SLC39A11: variants seen among roughly 807,000 people sequenced by gnomAD.
SLC39A11 encodes solute carrier family 39 member 11.
SLC39A11 carries 33 observed loss-of-function variants against 36.1 expected under a neutral mutation model. That is an observed-to-expected ratio of 0.91 (90% CI 0.69 to 1.22). The LOEUF is 1.22. Ranked by LOEUF, SLC39A11 falls within the 50% of genes most tolerant of loss-of-function variation. The pLI, the probability that SLC39A11 is intolerant of heterozygous loss-of-function variation, is 0.00. For missense variants in SLC39A11, 432 were observed against 430.3 expected, an observed-to-expected ratio of 1.00 and a Z score of -0.03; for synonymous variants, 166 against 170.3, an observed-to-expected ratio of 0.97 and a Z score of 0.20.
intron 7 of SLC39A11, among the ~76,000 whole-genome samples, chr17:72,673,321 T>G (rs1217629875): frequency 1.3e-5 from 2 of 151,960 alleles, no homozygotes; most frequent in Non-Finnish European, 2.9e-5. Context: ...GCCAGGCTGG[T>G]CTCCAACTCC....
chr17:72,759,681 A>T (rs979726984), intron 6 of SLC39A11, among the ~76,000 whole-genome samples: 3 of 152,194 alleles, frequency 2.0e-5, no homozygotes, highest in African/African-American at 4.8e-5. Flanking sequence ...AGGAGACATA[A>T]AAAATTCATG....
chr17:72,900,179 AAGAAAGAAAGAAAG>A lies in SLC39A11; in HGVS notation c.430+47559_430+47572del, dbSNP rs1454549142. ...AAAGAAAGAAAGAAAGAAAGAAAGA[AAGAAAGAAAGAAAG>A]AAAGAAAGAAAGAAAGAAAGAAAGA... On this transcript the variant is annotated intron_variant, in intron 5 of 9. Coordinates refer to ENST00000255559, the MANE Select transcript of SLC39A11 (RefSeq NM_139177.4). Among the ~76,000 whole-genome samples, 12 of 146,158 alleles carry A rather than the reference AAGAAAGAAAGAAAG, an allele frequency of 8.2e-5. 3 individuals are homozygous for A. Among genetic ancestry groups the A allele is most frequent in the African/African-American group, 2.1e-4 (8 of 37,844 alleles).
intron 6 of SLC39A11, among the ~76,000 whole-genome samples, chr17:72,773,195 T>C (rs867772266): frequency 4.6e-5 from 7 of 152,316 alleles, no homozygotes; most frequent in Middle Eastern, 3.4e-3. Context: ...TGTCCTGAAA[T>C]TGACTTCCAG....
chr17:73,075,391 G>C (rs1420185894), intron 3 of SLC39A11, among the ~76,000 whole-genome samples: 1 of 152,046 alleles, frequency 6.6e-6, no homozygotes, highest in Non-Finnish European at 1.5e-5. Flanking sequence ...ATCTTATCTG[G>C]GTTTCATCCT....
At chr17:73,082,874 G>C (rs181930254) in intron 3 of SLC39A11, among the ~76,000 whole-genome samples, 1 of 152,010 alleles carries the variant, frequency 6.6e-6, no homozygotes, top group Non-Finnish European at 1.5e-5. Flanking sequence ...AAATTAGCCA[G>C]GCGTGGTGGT....
chr17:72,892,255 A>G (rs1325102716), intron 5 of SLC39A11, among the ~76,000 whole-genome samples: 4 of 151,976 alleles, frequency 2.6e-5, no homozygotes, highest in Non-Finnish European at 5.9e-5. Flanking sequence ...TAAAAGTAAA[A>G]AAAAATTAGT....
intron 4 of SLC39A11, among the ~76,000 whole-genome samples, chr17:73,011,573 AG>A (rs1365366437): frequency 6.6e-6 from 1 of 152,160 alleles, no homozygotes; most frequent in East Asian, 1.9e-4. Flanking sequence ...CAAAAAAAGT[AG>A]AAAGAATGAA....
intron 7 of SLC39A11, among the ~76,000 whole-genome samples, chr17:72,653,872 G>A (rs1282028284): frequency 6.6e-6 from 1 of 152,126 alleles, no homozygotes; most frequent in Middle Eastern, 3.2e-3. Flanking sequence ...GAGGCCCTGG[G>A]CAGGAAGTCA....
At chr17:72,980,544 G>A (rs7210946) in intron 4 of SLC39A11, among the ~76,000 whole-genome samples, 54,018 of 152,002 alleles carry the variant, frequency 0.36, 9,767 homozygotes, top group East Asian at 0.56. Flanking sequence ...CTTGAAATTC[G>A]CAAGCTGATG....
chr17:72,849,771 T>C lies in SLC39A11; in HGVS notation c.464A>G (p.Lys155Arg), dbSNP rs1312227883. The change falls in exon 6 of 10, where the codon AAG becomes AGG. Residue 155 changes from lysine (K) to arginine (R), a missense_variant. Physicochemically the swap from Lys to Arg is conservative, Grantham distance 26. Coordinates refer to ENST00000255559, the MANE Select transcript of SLC39A11 (RefSeq NM_139177.4). The stretch of plus-strand genomic sequence containing the variant: ...TGGAAGGCCAGTGGCTGCCGCCTTC[T>C]TTCTCTGATATGCCTCACCATTCTC... ...KSENGEAYQRKKAAATGLPEG... is the reference protein window; with the variant it reads ...KSENGEAYQRRKAAATGLPEG... 3.8e-6 allele frequency: 6 copies of C among 1,596,472 alleles called. No individual in the cohort carries two copies. Among genetic ancestry groups the C allele is most frequent in the Non-Finnish European group, 5.1e-6 (6 of 1,174,200 alleles).
chr17:72,699,500 G>A (rs1162181444), intron 7 of SLC39A11, among the ~76,000 whole-genome samples: 1 of 152,334 alleles, frequency 6.6e-6, no homozygotes, highest in Non-Finnish European at 1.5e-5. Flanking sequence ...AGCTCAGATG[G>A]AGGGAGAGGA....
chr17:73,059,987 A>T (rs944084394), intron 3 of SLC39A11, among the ~76,000 whole-genome samples: 3 of 152,028 alleles, frequency 2.0e-5, no homozygotes, highest in African/African-American at 7.2e-5. Context: ...AGGCAGGTGG[A>T]TCACCTGAGG....
intron 3 of SLC39A11, among the ~76,000 whole-genome samples, chr17:73,051,262 G>C (rs985964686): frequency 1.3e-5 from 2 of 152,112 alleles, no homozygotes; most frequent in African/African-American, 4.8e-5. Flanking sequence ...AAGGACACCA[G>C]TCCTAATGTG....
intron 7 of SLC39A11, among the ~76,000 whole-genome samples, chr17:72,736,048 G>A (rs115225948): frequency 0.014 from 2,058 of 152,274 alleles, 49 homozygotes; most frequent in African/African-American, 0.047. Flanking sequence ...ACATATTCAG[G>A]ACAAAAGACT....
chr17:72,667,129 C>A (rs1366010834), intron 7 of SLC39A11, among the ~76,000 whole-genome samples: 3 of 152,078 alleles, frequency 2.0e-5, no homozygotes, highest in African/African-American at 7.2e-5. Context: ...TGAATGGAGA[C>A]CTTGGGGTTA....
intron 3 of SLC39A11, among the ~76,000 whole-genome samples, chr17:73,039,663 G>A (rs888388293): frequency 6.6e-6 from 1 of 152,140 alleles, no homozygotes; most frequent in Admixed American, 6.5e-5. Context: ...CAAACATGGG[G>A]TGAGTAATTG....
chr17:72,992,551 A>T (rs1478788831), intron 4 of SLC39A11, among the ~76,000 whole-genome samples: 1 of 152,100 alleles, frequency 6.6e-6, no homozygotes, highest in Admixed American at 6.5e-5. Context: ...ACCTTTATAT[A>T]TTCTGGACAC....
chr17:72,706,590 G>C (rs1367002448), intron 7 of SLC39A11, among the ~76,000 whole-genome samples: 1 of 152,244 alleles, frequency 6.6e-6, no homozygotes, highest in Non-Finnish European at 1.5e-5. Flanking sequence ...GACCCAAGGA[G>C]ACAAGTGAAT....
chr17:73,083,869 T>C (rs72843906), intron 3 of SLC39A11, among the ~76,000 whole-genome samples: 46,236 of 152,140 alleles, frequency 0.3, 7,455 homozygotes, highest in Middle Eastern at 0.49. Context: ...GACTGGATGT[T>C]AGATCATAAA....
Sources: allele counts gnomAD v4.1 joint callset (sites outside exome capture counted in the v4.1 genomes callset), GRCh38; gene constraint gnomAD v4.1.1; transcripts MANE v1.5; gene names NCBI Gene and HGNC (gene_info 2026-07-23, HGNC 2026-07-21).